Variants in SCARF2 observed in about 807,000 individuals in gnomAD.
SCARF2 encodes scavenger receptor class F member 2.
Under a neutral mutation model 73.4 loss-of-function variants are expected in SCARF2, and 39 were observed. The observed-to-expected ratio is 0.53, with a 90% confidence interval of 0.41 to 0.69. SCARF2 has a LOEUF of 0.69. SCARF2 is among the 30% of genes least tolerant of loss of function. The probability of loss-of-function intolerance (pLI) is 0.00; values close to 1 mark genes in which losing one functional copy is unlikely to be tolerated. For missense variants in SCARF2, 1,148 were observed against 1,303.5 expected (o/e 0.88, Z 1.84); for synonymous variants, 605 against 590.0 (o/e 1.03, Z -0.37).
intron 1 of SCARF2, among the ~76,000 whole-genome samples, chr22:20,432,676 A>G (rs1443237284): frequency 6.6e-6 from 1 of 152,238 alleles, no homozygotes; most frequent in Non-Finnish European, 1.5e-5. Flanking sequence ...AAAAGGGCTC[A>G]GGGACCAGGG....
rs763837051 is a variant in SCARF2 at position 20,430,421 on chromosome 22, G to A, written c.1202+8C>T. The A allele has an allele frequency of 1.3e-6, 2 of 1,586,220 alleles. No homozygotes were observed. The highest frequency in any genetic ancestry group is 1.7e-6 in the Non-Finnish European group (2 of 1,166,700). ...CCCCCAACCCCCTCCCGGTCCCGGG[G>A]CACTCACTGGGGCCCGTGGACGCCA... On this transcript the variant is annotated splice_region_variant and intron_variant, in intron 6 of 10. Coordinates refer to ENST00000622235, the MANE Select transcript of SCARF2 (RefSeq NM_182895.5).
intron 1 of SCARF2, among the ~76,000 whole-genome samples, chr22:20,436,941 A>G (rs1314671190): frequency 6.6e-6 from 1 of 151,942 alleles, no homozygotes; most frequent in Admixed American, 6.6e-5. Context: ...CCCTTCTTGC[A>G]CCCAGAATCC....
intron 1 of SCARF2, among the ~76,000 whole-genome samples, chr22:20,433,715 C>G (rs568458968): frequency 4.3e-4 from 65 of 152,378 alleles, no homozygotes; most frequent in Non-Finnish European, 7.5e-4. Context: ...AAACCAGAGA[C>G]AGGAATACAA....
rs372838078 is a variant in SCARF2, at chr22:20,429,704, T to C, written c.1306+26A>G. Reference sequence around the variant, plus strand: ...GGTTTCTGGCACCCCCTGCATTCCTTAACGGGACGCCCCTCATCCACTTAC... The same window carrying C: ...GGTTTCTGGCACCCCCTGCATTCCTCAACGGGACGCCCCTCATCCACTTAC... On this transcript the variant is annotated intron_variant, in intron 7 of 10. Coordinates refer to ENST00000622235, the MANE Select transcript of SCARF2 (RefSeq NM_182895.5). The surrounding 1 kb of genome is among the most constrained non-coding windows in gnomAD (Gnocchi z 5.2). 9.0e-5 allele frequency: 145 copies of C among 1,613,910 alleles called. No homozygotes were observed. In the African/African-American group the frequency reaches 1.7e-3, roughly 19 times the overall value.
At chr22:20,430,967 G>C in intron 4 of SCARF2, 51 bp downstream of exon 4, 1 of 1,563,496 alleles carries the variant, frequency 6.4e-7, no homozygotes, top group South Asian at 1.2e-5. Flanking sequence ...TGTCCCCATC[G>C]GCGGCCCGCC....
chr22:20,430,922 C>G lies in SCARF2; in HGVS notation c.855-14G>C. The G allele has an allele frequency of 1.3e-6, 2 of 1,576,880 alleles. No homozygotes were observed. Among genetic ancestry groups the G allele is most frequent in the Non-Finnish European group, 1.7e-6 (2 of 1,165,138 alleles). On this transcript the variant is annotated splice_polypyrimidine_tract_variant and intron_variant, in intron 4 of 10. Transcript: ENST00000622235. Reference sequence around the variant, plus strand: ...CACTGGCCACACCTGGGGGAGGGGTCGGAGGCTAGGGAAGGCTGGGACCCG... The same window carrying G: ...CACTGGCCACACCTGGGGGAGGGGTGGGAGGCTAGGGAAGGCTGGGACCCG...
chr22:20,432,140 T>C, intron 1 of SCARF2, 152 bp from the exon 2 acceptor site: 1 of 820,616 alleles, frequency 1.2e-6, no homozygotes, highest in Non-Finnish European at 2.0e-6. Flanking sequence ...CAGGCAGTCG[T>C]CTGGCGGTGG....
In SCARF2 at chr22:20,425,679, G is replaced by A. The variant is rs1202740247; in HGVS notation, c.2297C>T (p.Ala766Val). The change falls in exon 11 of 11, where the codon GCT (alanine) becomes GTT (valine). Residue 766 changes from alanine to valine, a missense_variant. By Grantham distance (64) the Ala-to-Val change is moderately conservative. Around this residue, in one of 5 missense-constraint regions of SCARF2, gnomAD observed 46 missense variants for 80.6 expected, o/e 0.57. Transcript: ENST00000622235. This position sits in a 1 kb window ranked among gnomAD's most constrained non-coding sequence, Gnocchi z 4.6. Reference protein sequence around the residue: ...AGGPPRSAPEAASMLAAELRG... With the variant: ...AGGPPRSAPEVASMLAAELRG... ...CAGCTCAGCGGCCAACATGGAGGCA[G>A]CCTCGGGCGCGCTTCGCGGGGGACC... is the stretch of plus-strand genomic sequence containing the variant. 8.1e-7 allele frequency: 1 copy of A among 1,240,574 alleles called. No individual in the cohort carries two copies. Among genetic ancestry groups the A allele is most frequent in the Non-Finnish European group, 1.0e-6 (1 of 994,456 alleles). The allele number at this position is 1,240,574 out of a possible 1,614,324, so 76.8% of individuals were successfully genotyped here.
At chr22:20,428,900 A>T (rs1393565405) in intron 9 of SCARF2, among the ~76,000 whole-genome samples, 1 of 152,074 alleles carries the variant, frequency 6.6e-6, no homozygotes, top group Non-Finnish European at 1.5e-5. Flanking sequence ...TGGCCGGGAT[A>T]TACAGCATTC....
At position 20,432,899 on chromosome 22, in the gene SCARF2, C is replaced by T. The variant is rs1431840027; in HGVS notation, c.174-911G>A. ...CACATGGCTAATTTTTGTATTTTTA[C>T]TAGAGACAGGGTTTCGCCATGTTGG... is the stretch of plus-strand genomic sequence containing the variant. On this transcript the variant is annotated intron_variant, in intron 1 of 10. Transcript: ENST00000622235. 5.3e-5 allele frequency among the ~76,000 whole-genome samples: 8 copies of T among 152,144 alleles called. 1 individual carries two copies. The highest frequency in any genetic ancestry group is 1.0e-4 in the Non-Finnish European group (7 of 68,020).
Position 20,425,891 on chromosome 22 carries a change from G to T in SCARF2, c.2085C>A (p.Ser695Arg). Residue 695 changes from serine to arginine, a missense_variant, in exon 11 of 11, where the codon AGC (serine) becomes AGA (arginine). By Grantham distance (110) the Ser-to-Arg change is moderately radical. This residue lies in a region of SCARF2 where 437 missense variants were observed against 433.6 expected (regional missense o/e 1.01). Coordinates refer to ENST00000622235, the MANE Select transcript of SCARF2 (RefSeq NM_182895.5). The surrounding 1 kb of genome is among the most constrained non-coding windows in gnomAD (Gnocchi z 4.6). ...PPGSEAAPSPSKRKRTPSDKS... is the reference protein window; with the variant it reads ...PPGSEAAPSPRKRKRTPSDKS... ...TGTCGCTGGGCGTCCGTTTCCTCTT[G>T]CTGGGGCTGGGCGCGGCCTCGGAGC... 6.3e-7 allele frequency: 1 copy of T among 1,598,682 alleles called. No individual in the cohort carries two copies. Among genetic ancestry groups the T allele is most frequent in the South Asian group, 1.1e-5 (1 of 89,542 alleles).
Position 20,426,007 on chromosome 22 carries a change from G to T in SCARF2, c.1969C>A (p.Pro657Thr). ...PSPERRKPPP[P>T]DPATKPKVSW... ...ACCTTAGGCTTGGTGGCGGGGTCAG[G>T]TGGCGGCGGTTTCCTGCGCTCGGGC... Residue 657 changes from proline (P) to threonine (T), a missense_variant, in exon 11 of 11, where the codon CCT (proline) becomes ACT (threonine). Physicochemically the swap from Pro to Thr is conservative, Grantham distance 38. Coordinates refer to ENST00000622235, the MANE Select transcript of SCARF2 (RefSeq NM_182895.5). 6.3e-7 allele frequency: 1 copy of T among 1,583,010 alleles called. No homozygotes were observed.
In SCARF2 at chr22:20,425,559, G is replaced by C; in HGVS notation, c.2417C>G (p.Ser806Cys). 7.5e-7 allele frequency: 1 copy of C among 1,341,982 alleles called. No individual in the cohort carries two copies. The highest frequency in any genetic ancestry group is 9.5e-7 in the Non-Finnish European group (1 of 1,050,726). The allele number at this position is 1,341,982 out of a possible 1,614,324, so 83.1% of individuals were successfully genotyped here. ...GCGGGCGGGCGAGGCTGGCGGCACG[G>C]AGCGCTTGGCTTTCTGTGGGGGCGC... ...KPAPPQKAKR[S>C]VPPASPARAP... is the part of the protein sequence containing the mutation. The change falls in exon 11 of 11, where the codon TCC (serine) becomes TGC (cysteine). Residue 806 changes from serine to cysteine, a missense_variant. Physicochemically the swap from Ser to Cys is moderately radical, Grantham distance 112. Coordinates refer to ENST00000622235, the MANE Select transcript of SCARF2 (RefSeq NM_182895.5). This position sits in a 1 kb window ranked among gnomAD's most constrained non-coding sequence, Gnocchi z 4.6.
At chr22:20,426,345 A>G (rs2052578758) in intron 10 of SCARF2, 63 bp from the exon 11 acceptor site, 1 of 1,512,782 alleles carries the variant, frequency 6.6e-7, no homozygotes, top group Non-Finnish European at 8.8e-7. Context: ...TCCAACCTCC[A>G]GGCGCAAACC....
chr22:20,427,472 G>A lies in SCARF2; in HGVS notation c.1619C>T (p.Ser540Phe). ...GGAGAAGGAGGCCCGAGAGGACCAG[G>A]ATGGTGAGGGCTGCTCCAGCCCTGA... ...PPSGLEQPSP[S>F]WSSRASFSSF... The change falls in exon 10 of 11, where the codon TCC becomes TTC. Residue 540 changes from serine (S) to phenylalanine (F), a missense_variant. By Grantham distance (155) the Ser-to-Phe change is radical. This residue lies in a region of SCARF2 where 437 missense variants were observed against 433.6 expected (regional missense o/e 1.01). Transcript: ENST00000622235. 1 of 1,614,174 alleles carries A rather than the reference G, an allele frequency of 6.2e-7. No individual in the cohort carries two copies. The highest frequency in any genetic ancestry group is 1.7e-4 in the Middle Eastern group (1 of 6,016).
chr22:20,436,513 G>A (rs972592623), intron 1 of SCARF2, among the ~76,000 whole-genome samples: 1 of 151,992 alleles, frequency 6.6e-6, no homozygotes, highest in African/African-American at 2.4e-5. Flanking sequence ...GCAGCGGGGA[G>A]GGGTCTGCGC....
chr22:20,429,405 G>C lies in SCARF2; in HGVS notation c.1425-65C>G, dbSNP rs199752737. The stretch of plus-strand genomic sequence containing the variant: ...CGGGGCCCAGGGGCGATTAGATCTC[G>C]GCCGGAGCCAAGCACAGAAGGGGCG... On this transcript the variant is annotated intron_variant, in intron 8 of 10. Coordinates refer to ENST00000622235, the MANE Select transcript of SCARF2 (RefSeq NM_182895.5). This position sits in a 1 kb window ranked among gnomAD's most constrained non-coding sequence, Gnocchi z 5.2. 1,116 of 1,556,246 alleles carry C rather than the reference G, an allele frequency of 7.2e-4. 6 individuals carry two copies. The African/African-American group carries it at 0.013, about 18-fold the overall frequency.
chr22:20,429,100 C>T lies in SCARF2; in HGVS notation c.1540+125G>A, dbSNP rs2052611827. 7.6e-7 allele frequency: 1 copy of T among 1,308,330 alleles called. No homozygotes were observed. 81.0% of individuals were successfully genotyped at this position (1,308,330 alleles called of 1,614,324 possible). On this transcript the variant is annotated intron_variant, in intron 9 of 10. Coordinates refer to ENST00000622235, the MANE Select transcript of SCARF2 (RefSeq NM_182895.5). This position sits in a 1 kb window ranked among gnomAD's most constrained non-coding sequence, Gnocchi z 5.2. ...CCCTCTGGTCGCACCTCCTCGCGCCCACGCACATCAACACTCAAGGTCCCC... is the reference window on the plus strand; with the variant it reads ...CCCTCTGGTCGCACCTCCTCGCGCCTACGCACATCAACACTCAAGGTCCCC...
chr22:20,431,437 C>G lies in SCARF2; in HGVS notation c.435G>C (p.Ala145=), dbSNP rs1477598923. 1.9e-6 allele frequency: 3 copies of G among 1,549,204 alleles called. No individual in the cohort carries two copies. The highest frequency in any genetic ancestry group is 2.6e-6 in the Non-Finnish European group (3 of 1,155,308). The change falls in exon 4 of 11, where the codon GCG becomes GCC. Residue 145 remains alanine, a synonymous_variant. Coordinates refer to ENST00000622235, the MANE Select transcript of SCARF2 (RefSeq NM_182895.5). ...GCTCGCAGCGCGCGCCCCAGCGCCGCGCGTGACAAGTACACTGGCCTGTCA... is the reference window on the plus strand; with the variant it reads ...GCTCGCAGCGCGCGCCCCAGCGCCGGGCGTGACAAGTACACTGGCCTGTCA... ...EDVTGQCTCH[A]RRWGARCEHA... is the part of the protein sequence containing the mutation.
Sources: gnomAD v4.1 joint callset for allele counts (sites outside exome capture counted in the v4.1 genomes callset) on GRCh38, gnomAD v4.1.1 for gene constraint, gnomAD v4.1.1 regional missense constraint, Gnocchi (gnomAD v3.1) non-coding constraint, MANE v1.5 for transcripts, NCBI Gene and HGNC (gene_info 2026-07-23, HGNC 2026-07-21) for gene names.